The following PIWIL1 variants were observed in gnomAD, a reference collection of about 807,000 sequenced individuals.
The protein encoded by PIWIL1 is piwi like RNA-mediated gene silencing 1.
A neutral mutation model predicts 114.4 loss-of-function variants in PIWIL1; 73 were observed. The observed-to-expected ratio is 0.64, with a 90% confidence interval of 0.53 to 0.78. The LOEUF (loss-of-function observed/expected upper bound fraction) is 0.78, where lower values mean the gene tolerates loss of function less well. Ranked by LOEUF, PIWIL1 falls within the 30% of genes least tolerant of loss-of-function variation. The pLI is 0.00. For missense variants in PIWIL1, 723 were observed against 1,063.1 expected (o/e 0.68, Z 4.45); for synonymous variants, 375 against 369.0 (o/e 1.02, Z -0.19).
the PIWIL1 span, chr12:130,424,565 C>T: frequency 8.1e-7 from 1 of 1,232,008 alleles, no homozygotes; most frequent in Non-Finnish European, 1.0e-6. This position sits in a 1 kb window ranked among gnomAD's most constrained non-coding sequence, Gnocchi z 9.8. Context: ...CCCTGTCTTC[C>T]AGAAGGAAGT....
At chr12:130,368,038 TC>T (rs2073716755) in intron 19 of PIWIL1, among the ~76,000 whole-genome samples, 1 of 152,172 alleles carries the variant, frequency 6.6e-6, no homozygotes, top group South Asian at 2.1e-4. Context: ...CCTCAAGTGA[TC>T]CGCTCGCGTC....
At chr12:130,414,533 G>C in the PIWIL1 span, 1 of 416,280 alleles carries the variant, frequency 2.4e-6, no homozygotes. Context: ...GCATGTGAAA[G>C]CATTGAGACA....
At chr12:130,418,356 A>C in the PIWIL1 span, among the ~76,000 whole-genome samples, 1 of 152,208 alleles carries the variant, frequency 6.6e-6, no homozygotes, top group Non-Finnish European at 1.5e-5. Flanking sequence ...TTCAAGTGGT[A>C]TCTGAGTTCA....
downstream of PIWIL1, among the ~76,000 whole-genome samples, chr12:130,377,051 C>T (rs2073872506): frequency 1.3e-5 from 2 of 152,192 alleles, no homozygotes; most frequent in South Asian, 2.1e-4. Flanking sequence ...TGTGAGCGTG[C>T]AGCCTAGACA....
At chr12:130,345,981 A>G in intron 4 of PIWIL1, 103 bp downstream of exon 4, 1 of 1,246,748 alleles carries the variant, frequency 8.0e-7, no homozygotes, top group South Asian at 1.6e-5. Flanking sequence ...AGGATCCTGC[A>G]TGGCTTTTCG....
the PIWIL1 span, chr12:130,412,724 T>G: frequency 2.5e-5 from 41 of 1,613,718 alleles, no homozygotes; most frequent in Non-Finnish European, 3.5e-5. Flanking sequence ...TTACAAGGAA[T>G]AAGGCCAAGC....
At position 130,370,971 on chromosome 12, in the gene PIWIL1, A is replaced by T. The variant is rs1469255014; in HGVS notation, c.2322-205A>T. On this transcript the variant is annotated intron_variant, in intron 19 of 20. Coordinates refer to ENST00000245255, the MANE Select transcript of PIWIL1 (RefSeq NM_004764.5). ...TAAAATCAAAATCATCATCTTTATG[A>T]TAAACATCTTTCACACATAAGCAGT... 7.9e-5 allele frequency among the ~76,000 whole-genome samples: 12 copies of T among 152,212 alleles called. No individual in the cohort carries two copies. The East Asian group carries it at 2.3e-3, about 29-fold the overall frequency.
downstream of PIWIL1, among the ~76,000 whole-genome samples, chr12:130,377,048 G>A (rs77678797): frequency 5.9e-5 from 9 of 152,166 alleles, no homozygotes; most frequent in South Asian, 6.2e-4. Context: ...CCCTGTGAGC[G>A]TGCAGCCTAG....
At chr12:130,350,133 C>T (rs1002716483) in intron 9 of PIWIL1, among the ~76,000 whole-genome samples, 166 bp downstream of exon 9, 3 of 152,120 alleles carry the variant, frequency 2.0e-5, no homozygotes, top group East Asian at 1.9e-4. Context: ...ATTAAAATGC[C>T]TCTTTTTATT....
chr12:130,383,134 G>T, the PIWIL1 span, among the ~76,000 whole-genome samples: 1 of 152,160 alleles, frequency 6.6e-6, no homozygotes, highest in Non-Finnish European at 1.5e-5. Flanking sequence ...TTAACCCATA[G>T]TAAGTCTTCC....
At chr12:130,405,495 T>C in the PIWIL1 span, among the ~76,000 whole-genome samples, 4 of 152,178 alleles carry the variant, frequency 2.6e-5, no homozygotes. Flanking sequence ...AGTGGCCCTG[T>C]GGGCTTCTGG....
chr12:130,349,832 A>G, intron 8 of PIWIL1, 24 bp from the exon 9 acceptor site: 1 of 1,258,250 alleles, frequency 7.9e-7, no homozygotes. Context: ...CATCAAATGC[A>G]GTCAAATCTC....
At chr12:130,374,642 C>T (rs1267470222), downstream of PIWIL1, among the ~76,000 whole-genome samples, 4 of 152,148 alleles carry the variant, frequency 2.6e-5, no homozygotes, top group Admixed American at 2.6e-4. Context: ...CTCTGCACTG[C>T]GGAGTCCAGC....
At chr12:130,357,737 G>A (rs1460017502) in intron 14 of PIWIL1, among the ~76,000 whole-genome samples, 184 bp downstream of exon 14, 1 of 152,182 alleles carries the variant, frequency 6.6e-6, no homozygotes, top group Non-Finnish European at 1.5e-5. Context: ...GCACCTAGGA[G>A]TTTGGTTTAC....
Position 130,372,291 on chromosome 12 carries a change from ATTTG to A in PIWIL1, c.*696_*699del, listed in dbSNP as rs1488031982. On this transcript the variant is annotated 3_prime_UTR_variant, in exon 21 of 21. Coordinates refer to ENST00000245255, the MANE Select transcript of PIWIL1 (RefSeq NM_004764.5). ...TGTTTTGGAACTGGGACATGATTCTATTTGTTATAAAATAAAATTGATGTGATTG... is the reference window on the plus strand; with the variant it reads ...TGTTTTGGAACTGGGACATGATTCTATTATAAAATAAAATTGATGTGATTG... The A allele has an allele frequency of 6.6e-6, 1 of 152,224 alleles. No homozygotes were observed. Among genetic ancestry groups the A allele is most frequent in the Non-Finnish European group, 1.5e-5 (1 of 68,030 alleles). 9.4% of individuals were successfully genotyped at this position (152,224 alleles called of 1,614,324 possible).
chr12:130,407,568 T>A, the PIWIL1 span, among the ~76,000 whole-genome samples: 4 of 152,188 alleles, frequency 2.6e-5, no homozygotes, highest in Admixed American at 1.3e-4. Context: ...TGCGTGGCCA[T>A]GTCTGTATCA....
chr12:130,369,897 C>A (rs977837512), intron 19 of PIWIL1, among the ~76,000 whole-genome samples: 2 of 152,066 alleles, frequency 1.3e-5, no homozygotes, highest in Non-Finnish European at 2.9e-5. Context: ...TAATTAGATC[C>A]CATTTGTCAA....
chr12:130,425,786 G>A, the PIWIL1 span: 6 of 152,318 alleles, frequency 3.9e-5, no homozygotes, highest in African/African-American at 7.2e-5. Context: ...CCTGGCCGTC[G>A]GCCCTCGGGA....
intron 1 of PIWIL1, chr12:130,339,512 G>C (rs973791048): frequency 6.6e-6 from 1 of 151,890 alleles, no homozygotes. Flanking sequence ...AGGTGGAAGC[G>C]TCTTTGGCAG....
Sources: gnomAD v4.1 joint callset for allele counts (sites outside exome capture counted in the v4.1 genomes callset) on GRCh38, gnomAD v4.1.1 for gene constraint, Gnocchi (gnomAD v3.1) non-coding constraint, MANE v1.5 for transcripts, NCBI Gene and HGNC (gene_info 2026-07-23, HGNC 2026-07-21) for gene names.